LARGE1: variants seen among roughly 807,000 people sequenced by gnomAD.
LARGE1 encodes the protein xylosyl- and glucuronyltransferase LARGE1.
Under a neutral mutation model 87.6 loss-of-function variants are expected in LARGE1, and 43 were observed. The observed-to-expected ratio is 0.49, with a 90% CI of 0.38 to 0.63. The LOEUF is 0.63. Ranked by LOEUF, LARGE1 falls within the 30% of genes least tolerant of loss-of-function variation. The pLI is 0.00. For missense variants in LARGE1, 802 were observed against 1,000.2 expected (o/e 0.80, Z 2.67); for synonymous variants, 434 against 394.6 (o/e 1.10, Z -1.18).
chr22:33,247,580 G>A (rs1926823688), intron 11 of LARGE1, among the ~76,000 whole-genome samples: 1 of 152,228 alleles, frequency 6.6e-6, no homozygotes, highest in African/African-American at 2.4e-5. Context: ...AAGATTAGCT[G>A]AAAGCTAAAA....
At chr22:33,433,607 C>CAAAAAAAAAAAAAAAAAAAAAAAAA (rs57605083) in intron 6 of LARGE1, among the ~76,000 whole-genome samples, 1 of 88,260 alleles carries the variant, frequency 1.1e-5, no homozygotes, top group Non-Finnish European at 2.1e-5. Context: ...AAAAACAAAA[C>CAAAAAAAAAAAAAAAAAAAAAAAAA]AAAAAAAAAA....
chr22:33,855,773 T>C (rs1036738555), intron 1 of LARGE1, among the ~76,000 whole-genome samples: 3 of 152,198 alleles, frequency 2.0e-5, no homozygotes, highest in Non-Finnish European at 4.4e-5. Context: ...CTGATGAATA[T>C]GTAGTGAATA....
chr22:33,521,966 T>C (rs980547782), intron 6 of LARGE1, among the ~76,000 whole-genome samples: 1 of 152,178 alleles, frequency 6.6e-6, no homozygotes, highest in Non-Finnish European at 1.5e-5. Flanking sequence ...GCAAGTCACA[T>C]GGCAAGAACA....
chr22:33,125,445 C>T, the LARGE1 span, among the ~76,000 whole-genome samples: 1 of 111,088 alleles, frequency 9.0e-6, no homozygotes, highest in Non-Finnish European at 1.8e-5. Flanking sequence ...ATCCTGCTTT[C>T]AATTTTTTTT....
chr22:33,502,070 C>G (rs1166297549), intron 6 of LARGE1, among the ~76,000 whole-genome samples: 1 of 152,070 alleles, frequency 6.6e-6, no homozygotes, highest in Non-Finnish European at 1.5e-5. Flanking sequence ...CTGGCAGGCG[C>G]CTGTAGTTCC....
intron 2 of LARGE1, among the ~76,000 whole-genome samples, chr22:33,673,109 C>T (rs1393108514): frequency 1.3e-5 from 2 of 152,070 alleles, no homozygotes; most frequent in African/African-American, 4.8e-5. Context: ...CCCGTCTCTA[C>T]TAAAAATACA....
the LARGE1 span, among the ~76,000 whole-genome samples, chr22:33,149,327 C>T: frequency 2.0e-5 from 3 of 152,122 alleles, no homozygotes; most frequent in Non-Finnish European, 2.9e-5. Flanking sequence ...CAGCCGTGAG[C>T]CACCGCACCT....
the LARGE1 span, among the ~76,000 whole-genome samples, chr22:33,104,899 CTTTCTTTCTTTCTTTCTTTCTTTCTT>C: frequency 2.2e-5 from 1 of 44,868 alleles, no homozygotes; most frequent in Admixed American, 2.1e-4. Context: ...CTCTTTCTTT[CTTTCTTTCTTTCTTTCTTTCTTTCTT>C]TCTTTCTTTC....
intron 10 of LARGE1, among the ~76,000 whole-genome samples, chr22:33,332,878 A>G (rs1937915100): frequency 6.6e-6 from 1 of 152,164 alleles, no homozygotes. Flanking sequence ...GTCTTGACTT[A>G]TGAGTGCTAG....
intron 6 of LARGE1, among the ~76,000 whole-genome samples, chr22:33,464,846 C>T (rs974068502): frequency 2.6e-5 from 4 of 151,358 alleles, no homozygotes; most frequent in African/African-American, 7.3e-5. Context: ...CACCCACGCA[C>T]ACATACACAC....
intron 7 of LARGE1, among the ~76,000 whole-genome samples, chr22:33,422,580 G>A (rs1013196735): frequency 4.7e-5 from 7 of 149,824 alleles, no homozygotes; most frequent in Non-Finnish European, 1.0e-4. Flanking sequence ...CATGATCTCC[G>A]CTCACTGCAA....
intron 11 of LARGE1, among the ~76,000 whole-genome samples, chr22:33,206,247 C>A (rs958183435): frequency 6.6e-6 from 1 of 151,632 alleles, no homozygotes; most frequent in Non-Finnish European, 1.5e-5. Flanking sequence ...TGAGCCACTG[C>A]GCCCGGCCTA....
chr22:33,887,181 CA>C (rs2064876235), intron 1 of LARGE1, among the ~76,000 whole-genome samples: 1 of 152,168 alleles, frequency 6.6e-6, no homozygotes, highest in African/African-American at 2.4e-5. Flanking sequence ...ATTGCTTTGT[CA>C]AAATCCTAAC....
At chr22:33,786,848 C>T (rs890067179) in intron 1 of LARGE1, among the ~76,000 whole-genome samples, 2 of 151,978 alleles carry the variant, frequency 1.3e-5, no homozygotes, top group Admixed American at 6.6e-5. Context: ...AGTGAAACTC[C>T]GTCTCTACTA....
chr22:33,207,729 T>C (rs550619355), intron 11 of LARGE1, among the ~76,000 whole-genome samples: 3 of 152,234 alleles, frequency 2.0e-5, no homozygotes, highest in African/African-American at 7.2e-5. Flanking sequence ...GATTGAAGAT[T>C]GGCAAATCCA....
intron 2 of LARGE1, among the ~76,000 whole-genome samples, chr22:33,670,964 A>G (rs1040213445): frequency 6.6e-6 from 1 of 152,208 alleles, no homozygotes; most frequent in African/African-American, 2.4e-5. Flanking sequence ...CTGAGATGCC[A>G]AAGGCACCAA....
chr22:33,652,917 T>C lies in LARGE1; in HGVS notation c.107-2249A>G, dbSNP rs571861890. 1.2e-3 allele frequency among the ~76,000 whole-genome samples: 188 copies of C among 152,314 alleles called. 1 individual carries two copies. The Middle Eastern group carries it at 0.014, about 11-fold the overall frequency. Reference sequence around the variant, plus strand: ...ATATGACTCAATGAATTGCACTGCCTGGGACCACAAATCAAAGGCCGATGC... The same window carrying C: ...ATATGACTCAATGAATTGCACTGCCCGGGACCACAAATCAAAGGCCGATGC... On this transcript the variant is annotated intron_variant, in intron 2 of 14. Coordinates refer to ENST00000397394, the MANE Select transcript of LARGE1 (RefSeq NM_133642.5).
chr22:33,316,179 C>G lies in LARGE1; in HGVS notation c.1357G>C (p.Val453Leu). 1 of 1,614,090 alleles carries G rather than the reference C, an allele frequency of 6.2e-7. No individual in the cohort carries two copies. ...AGGAAGTACAGGTGGGTGCGGTGGACAGTGAAGCGCTCTCGCCGGAACTCA... is the reference window on the plus strand; with the variant it reads ...AGGAAGTACAGGTGGGTGCGGTGGAGAGTGAAGCGCTCTCGCCGGAACTCA... ...CYEFRRERFT[V>L]HRTHLYFLHY... is the part of the protein sequence containing the mutation. Residue 453 changes from valine (V) to leucine (L), a missense_variant, in exon 11 of 15, where the codon GTC becomes CTC. Physicochemically the swap from Val to Leu is conservative, Grantham distance 32. Around this residue, in one of 2 missense-constraint regions of LARGE1, gnomAD observed 625 missense variants for 841.9 expected, o/e 0.74. Coordinates refer to ENST00000397394, the MANE Select transcript of LARGE1 (RefSeq NM_133642.5).
intron 6 of LARGE1, among the ~76,000 whole-genome samples, chr22:33,512,656 A>C (rs1569227407): frequency 6.6e-6 from 1 of 151,984 alleles, no homozygotes; most frequent in Non-Finnish European, 1.5e-5. Context: ...ACAAAAATTT[A>C]GCCGGGAGTG....
Sources: gnomAD v4.1 joint callset for allele counts (sites outside exome capture counted in the v4.1 genomes callset) on GRCh38, gnomAD v4.1.1 for gene constraint, gnomAD v4.1.1 regional missense constraint, MANE v1.5 for transcripts, NCBI Gene and HGNC (gene_info 2026-07-23, HGNC 2026-07-21) for gene names.